SETD2: variants seen among roughly 807,000 people sequenced by gnomAD.
SETD2 encodes SET domain containing 2, histone lysine methyltransferase.
Under a neutral mutation model 242.1 loss-of-function variants are expected in SETD2, and 31 were observed. The observed-to-expected ratio is 0.13, with a 90% CI of 0.10 to 0.17. The LOEUF (loss-of-function observed/expected upper bound fraction) is 0.17, where lower values mean the gene tolerates loss of function less well. SETD2 is among the 10% of genes least tolerant of loss of function. The probability of loss-of-function intolerance (pLI) is 1.00; values close to 1 mark genes in which losing one functional copy is unlikely to be tolerated. For synonymous variants in SETD2, 1,006 were observed against 1,066.5 expected, an observed-to-expected ratio of 0.94 and a Z score of 1.11; for missense variants, 2,481 against 3,046.3, an observed-to-expected ratio of 0.81 and a Z score of 4.37.
intron 12 of SETD2, chr3:47,080,975 T>C (rs1208772361): frequency 1.0e-6 from 1 of 986,982 alleles, no homozygotes; most frequent in African/African-American, 1.7e-5. Flanking sequence ...CTTCACAGAA[T>C]GCACGCTAGG....
intron 18 of SETD2, among the ~76,000 whole-genome samples, chr3:47,033,933 A>G (rs1249478621): frequency 6.6e-6 from 1 of 152,062 alleles, no homozygotes; most frequent in Non-Finnish European, 1.5e-5. Context: ...GGCCTCCCAA[A>G]GTGCTAGGAT....
intron 3 of SETD2, among the ~76,000 whole-genome samples, 171 bp from the exon 4 acceptor site, chr3:47,116,925 C>T (rs1011827356): frequency 6.6e-6 from 1 of 151,978 alleles, no homozygotes; most frequent in African/African-American, 2.4e-5. Flanking sequence ...CTCACTGCAG[C>T]CTCAACCTCC....
Position 47,056,953 on chromosome 3 carries a change from T to C in SETD2, c.6831A>G (p.Gln2277=). The C allele has an allele frequency of 6.2e-7, 1 of 1,614,274 alleles. No homozygotes were observed. Among genetic ancestry groups the C allele is most frequent in the South Asian group, 1.1e-5 (1 of 91,088 alleles). ...GQNYSVWDSN[Q]QSVSVQQQYS... ...ACTGCTGCTGTACACTGACAGACTG[T>C]TGGTTTGAATCCCAAACACTATAAT... The change falls in exon 15 of 21, where the codon CAA becomes CAG. Residue 2277 remains glutamine, a synonymous_variant. Transcript: ENST00000409792.
At chr3:47,076,719 G>GA (rs976232520) in intron 12 of SETD2, among the ~76,000 whole-genome samples, 3 of 151,786 alleles carry the variant, frequency 2.0e-5, no homozygotes, top group Non-Finnish European at 2.9e-5. Context: ...TCATTCAAAA[G>GA]AAAAAAAAGT....
chr3:47,033,209 G>A (rs1281619914), intron 18 of SETD2, among the ~76,000 whole-genome samples: 10 of 152,060 alleles, frequency 6.6e-5, no homozygotes, highest in East Asian at 1.9e-4. Flanking sequence ...AACATATCCC[G>A]AACACTCCCT....
intron 17 of SETD2, among the ~76,000 whole-genome samples, chr3:47,039,378 C>T (rs2039170199): frequency 6.6e-6 from 1 of 151,902 alleles, no homozygotes; most frequent in Non-Finnish European, 1.5e-5. Context: ...CCACGCCCAG[C>T]TAATTTTTGT....
At chr3:47,099,615 CTTT>C (rs2042132297) in intron 8 of SETD2, among the ~76,000 whole-genome samples, 1 of 152,070 alleles carries the variant, frequency 6.6e-6, no homozygotes, top group African/African-American at 2.4e-5. Context: ...TTAGTTTTAT[CTTT>C]TTGTTTTCTG....
chr3:47,112,466 G>A (rs1413062725), intron 5 of SETD2, among the ~76,000 whole-genome samples: 5 of 152,146 alleles, frequency 3.3e-5, no homozygotes, highest in Non-Finnish European at 5.9e-5. Flanking sequence ...ATTTTTAGTA[G>A]TGACAGGGTT....
Position 47,016,898 on chromosome 3 carries a change from T to C in SETD2, c.*195A>G, listed in dbSNP as rs1409605979. ...TGGCTTCTAACCACATGCCAACAGC[T>C]CACAACTAGGTAATCACTTGTAGAT... On this transcript the variant is annotated 3_prime_UTR_variant, in exon 21 of 21. Coordinates refer to ENST00000409792, the MANE Select transcript of SETD2 (RefSeq NM_014159.7). The C allele has an allele frequency of 8.7e-6, 5 of 576,642 alleles. No individual in the cohort carries two copies. Among genetic ancestry groups the C allele is most frequent in the African/African-American group, 5.6e-5 (3 of 53,568 alleles). The allele number at this position is 576,642 out of a possible 1,614,324, so 35.7% of individuals were successfully genotyped here.
intron 4 of SETD2, among the ~76,000 whole-genome samples, chr3:47,115,866 A>G (rs562734296): frequency 3.2e-4 from 48 of 152,016 alleles, no homozygotes; most frequent in Non-Finnish European, 6.8e-4. Context: ...GGCTGATCCT[A>G]AACTCCTGGC....
chr3:47,101,459 C>T lies in SETD2; in HGVS notation c.5014G>A (p.Gly1672Arg), dbSNP rs2042208091. The change falls in exon 8 of 21, where the codon GGA (glycine) becomes AGA (arginine). Residue 1672 changes from glycine (G) to arginine (R), a missense_variant and splice_region_variant. Transcript: ENST00000409792. ...LTFDYQFQRY[G>R]KEAQKCFCGS... is the part of the protein sequence containing the mutation. ...AAAATTAGTAGAAACAATACTTACC[C>T]ATATCTCTGGAACTGATAGTCAAAC... is the stretch of plus-strand genomic sequence containing the variant. The T allele has an allele frequency of 6.3e-7, 1 of 1,594,526 alleles. No homozygotes were observed. The highest frequency in any genetic ancestry group is 8.6e-7 in the Non-Finnish European group (1 of 1,162,776).
intron 1 of SETD2, among the ~76,000 whole-genome samples, chr3:47,127,349 T>TA (rs60754228): frequency 0.52 from 73,474 of 142,112 alleles, 19,886 homozygotes; most frequent in East Asian, 0.67. Flanking sequence ...TGGCTGTCTT[T>TA]AAAAAAAAAA....
chr3:47,139,305 T>C (rs1038311928), intron 1 of SETD2, among the ~76,000 whole-genome samples: 2 of 152,140 alleles, frequency 1.3e-5, no homozygotes, highest in Admixed American at 6.5e-5. Flanking sequence ...GTCTAGTAGG[T>C]ACTCAGCACT....
At chr3:47,154,703 C>A (rs2044085143) in intron 1 of SETD2, among the ~76,000 whole-genome samples, 1 of 151,896 alleles carries the variant, frequency 6.6e-6, no homozygotes, top group Non-Finnish European at 1.5e-5. Context: ...ATTAAAAAAA[C>A]AAAACATTGG....
chr3:47,123,637 A>C lies in SETD2; in HGVS notation c.999T>G (p.Ser333Arg), dbSNP rs765649664. 7.1e-6 allele frequency: 11 copies of C among 1,550,182 alleles called. No individual in the cohort carries two copies. Among genetic ancestry groups the C allele is most frequent in the Non-Finnish European group, 8.7e-7 (1 of 1,146,696 alleles). The change falls in exon 3 of 21, where the codon AGT (serine) becomes AGG (arginine). Residue 333 changes from serine to arginine, a missense_variant. Coordinates refer to ENST00000409792, the MANE Select transcript of SETD2 (RefSeq NM_014159.7). ...AAAATTTTAAATCATGTGATCTTTG[A>C]CTTGAAGAAGTCCGTACAGAATCTT... ...SDEDSVRTSS[S>R]QRSHDLKFSA...
intron 18 of SETD2, among the ~76,000 whole-genome samples, chr3:47,031,297 A>G (rs1035273040): frequency 2.0e-5 from 3 of 152,222 alleles, no homozygotes; most frequent in Non-Finnish European, 2.9e-5. Flanking sequence ...CAATTGTAAC[A>G]AAGTACCACT....
chr3:47,090,757 G>T (rs2041771121), intron 9 of SETD2, among the ~76,000 whole-genome samples: 1 of 152,112 alleles, frequency 6.6e-6, no homozygotes, highest in Non-Finnish European at 1.5e-5. Context: ...TAGAGACTAA[G>T]GAGAAGACAG....
At chr3:47,099,605 T>C (rs2042131968) in intron 8 of SETD2, among the ~76,000 whole-genome samples, 3 of 152,198 alleles carry the variant, frequency 2.0e-5, no homozygotes, top group Non-Finnish European at 4.4e-5. Context: ...ACTACTTAAT[T>C]TAGTTTTATC....
intron 5 of SETD2, among the ~76,000 whole-genome samples, chr3:47,109,338 G>A (rs1302029662): frequency 3.9e-5 from 6 of 152,162 alleles, no homozygotes; most frequent in African/African-American, 1.2e-4. Flanking sequence ...TTTTCTGTAA[G>A]TTTGAAACTT....
Sources: gnomAD v4.1 joint callset for allele counts (sites outside exome capture counted in the v4.1 genomes callset) on GRCh38, gnomAD v4.1.1 for gene constraint, MANE v1.5 for transcripts, NCBI Gene and HGNC (gene_info 2026-07-23, HGNC 2026-07-21) for gene names.